CPED1: variants seen among roughly 807,000 people sequenced by gnomAD.
CPED1 encodes cadherin-like and PC-esterase domain-containing protein 1.
In CPED1, 114 loss-of-function variants were observed where a neutral mutation model predicts 128.2. That is an observed-to-expected ratio of 0.89 (90% CI 0.76 to 1.04). The LOEUF (loss-of-function observed/expected upper bound fraction) is 1.04, where lower values mean the gene tolerates loss of function less well. CPED1 is among the 50% of genes least tolerant of loss of function. CPED1 has a pLI of 0.00. For missense variants in CPED1, 1,211 were observed against 1,207.1 expected (o/e 1.00, Z -0.05); for synonymous variants, 462 against 426.7 (o/e 1.08, Z -1.02).
intron 22 of CPED1, among the ~76,000 whole-genome samples, chr7:121,289,022 A>G (rs1029582221): frequency 6.6e-6 from 1 of 152,186 alleles, no homozygotes; most frequent in Admixed American, 6.6e-5. Flanking sequence ...TCATATTTAG[A>G]GTTGCCATAT....
chr7:121,135,299 T>TA (rs1795761632), intron 13 of CPED1, among the ~76,000 whole-genome samples: 1 of 152,086 alleles, frequency 6.6e-6, no homozygotes, highest in African/African-American at 2.4e-5. Context: ...TATTTTTTTT[T>TA]AGTTCAAAGT....
At chr7:121,171,068 A>T (rs1796640862) in intron 16 of CPED1, among the ~76,000 whole-genome samples, 1 of 152,092 alleles carries the variant, frequency 6.6e-6, no homozygotes, top group Admixed American at 6.5e-5. Flanking sequence ...ACATAAAAAA[A>T]AAAATAAGAA....
At chr7:121,121,774 G>A (rs1456012894) in intron 7 of CPED1, among the ~76,000 whole-genome samples, 1 of 152,104 alleles carries the variant, frequency 6.6e-6, no homozygotes, top group Non-Finnish European at 1.5e-5. Context: ...AGGTTCTGGT[G>A]GCATTTGAAT....
intron 13 of CPED1, among the ~76,000 whole-genome samples, chr7:121,134,858 T>C (rs529594017): frequency 4.4e-4 from 67 of 152,158 alleles, no homozygotes; most frequent in African/African-American, 1.5e-3. Context: ...TTAAAAGTTA[T>C]TTTTATAGAT....
At chr7:121,200,961 A>T (rs1242281612) in intron 16 of CPED1, among the ~76,000 whole-genome samples, 2 of 150,996 alleles carry the variant, frequency 1.3e-5, no homozygotes, top group East Asian at 2.0e-4. Flanking sequence ...AAGAGAGAGC[A>T]GTGAAGAGAA....
chr7:121,114,845 CT>C (rs1795198000), intron 7 of CPED1, among the ~76,000 whole-genome samples: 1 of 152,148 alleles, frequency 6.6e-6, no homozygotes, highest in South Asian at 2.1e-4. Context: ...AAATAATGCA[CT>C]TTTGTAGTAA....
intron 10 of CPED1, 28 bp downstream of exon 10, chr7:121,127,285 T>C: frequency 7.1e-7 from 1 of 1,398,794 alleles, no homozygotes. Context: ...TACTGATAAA[T>C]ATTTTTTCAA....
chr7:121,062,709 C>T (rs1391119360), intron 4 of CPED1: 1 of 152,118 alleles, frequency 6.6e-6, no homozygotes, highest in Non-Finnish European at 1.5e-5. Flanking sequence ...CAAATCTCAT[C>T]CGGAATTATA....
chr7:121,076,409 A>G (rs143640350), intron 5 of CPED1, among the ~76,000 whole-genome samples: 495 of 152,294 alleles, frequency 3.3e-3, no homozygotes, highest in African/African-American at 0.011. Flanking sequence ...ATATAGGATC[A>G]ATTTCTGGGT....
chr7:121,036,507 A>ATATATATAT (rs1449540146), intron 3 of CPED1, among the ~76,000 whole-genome samples: 1 of 133,922 alleles, frequency 7.5e-6, no homozygotes, highest in African/African-American at 3.0e-5. Flanking sequence ...ATATATATAT[A>ATATATATAT]TTTTTTTTTT....
At chr7:121,214,764 ATAG>A (rs1313091229) in intron 16 of CPED1, among the ~76,000 whole-genome samples, 2 of 152,082 alleles carry the variant, frequency 1.3e-5, no homozygotes, top group Non-Finnish European at 2.9e-5. Flanking sequence ...TCACAATGCC[ATAG>A]TAGTCTGAAT....
Position 121,266,441 on chromosome 7 carries a change from T to C in CPED1, c.2525T>C (p.Leu842Ser), listed in dbSNP as rs769252335. 2 of 1,610,354 alleles carry C rather than the reference T, an allele frequency of 1.2e-6. No homozygotes were observed. The highest frequency in any genetic ancestry group is 2.2e-5 in the South Asian group (2 of 91,002). ...PTFENALEHLLQRSRPLENTG... is the reference protein window; with the variant it reads ...PTFENALEHLSQRSRPLENTG... ...TTTGAAAATGCACTTGAACACCTCT[T>C]GCAAAGGTACAATGAAACTATAATG... Residue 842 changes from leucine (L) to serine (S), a missense_variant, in exon 19 of 23, where the codon TTG becomes TCG. Coordinates refer to ENST00000310396, the MANE Select transcript of CPED1 (RefSeq NM_024913.5).
chr7:121,093,215 C>T (rs1794615573), intron 5 of CPED1, among the ~76,000 whole-genome samples: 1 of 152,110 alleles, frequency 6.6e-6, no homozygotes. Context: ...CCACCGTAGG[C>T]ATCATGGTGA....
intron 11 of CPED1, among the ~76,000 whole-genome samples, chr7:121,129,604 T>C (rs1411470714): frequency 6.6e-6 from 1 of 151,838 alleles, no homozygotes; most frequent in Non-Finnish European, 1.5e-5. Context: ...TTTATAACTT[T>C]AGATACTGTT....
intron 5 of CPED1, among the ~76,000 whole-genome samples, chr7:121,070,002 C>A (rs1793947951): frequency 1.3e-5 from 2 of 151,860 alleles, no homozygotes; most frequent in African/African-American, 4.8e-5. Context: ...GACTTGTATT[C>A]AAAGATAGCA....
intron 16 of CPED1, among the ~76,000 whole-genome samples, chr7:121,172,077 A>AAAACAACTTGTGAAGGTC (rs1221683469): frequency 2.6e-5 from 4 of 152,194 alleles, no homozygotes; most frequent in Admixed American, 2.6e-4. Context: ...CAGGAAAGGT[A>AAAACAACTTGTGAAGGTC]AAACAACTTG....
chr7:121,188,821 T>G (rs1797060865), intron 16 of CPED1, among the ~76,000 whole-genome samples: 1 of 152,068 alleles, frequency 6.6e-6, no homozygotes, highest in Non-Finnish European at 1.5e-5. Flanking sequence ...CAAGTGTGAT[T>G]GAGGCTCAGA....
At chr7:121,182,894 A>G (rs1404456363) in intron 16 of CPED1, among the ~76,000 whole-genome samples, 1 of 152,034 alleles carries the variant, frequency 6.6e-6, no homozygotes, top group Non-Finnish European at 1.5e-5. Flanking sequence ...TGTCTGAAAT[A>G]TTAGTTTCCT....
rs191997005 is a variant in CPED1, at chr7:121,179,508, G to A, written c.2055+37367G>A. 6.6e-5 allele frequency among the ~76,000 whole-genome samples: 10 copies of A among 152,126 alleles called. No individual in the cohort carries two copies. In the East Asian group the frequency reaches 9.6e-4, roughly 15 times the overall value. ...ATCACAATAGTGTGCAGAATGGAAC[G>A]TTTCTGGCATATTCTTCTAAGCAGA... On this transcript the variant is annotated intron_variant, in intron 16 of 22. Coordinates refer to ENST00000310396, the MANE Select transcript of CPED1 (RefSeq NM_024913.5).
Sources: allele counts gnomAD v4.1 joint callset (sites outside exome capture counted in the v4.1 genomes callset), GRCh38; gene constraint gnomAD v4.1.1; transcripts MANE v1.5; gene names NCBI Gene and HGNC (gene_info 2026-07-23, HGNC 2026-07-21).